The following GPHN variants were observed in gnomAD, a reference collection of about 807,000 sequenced individuals.
GPHN encodes gephyrin.
GPHN carries 17 observed loss-of-function variants against 95.5 expected under a neutral mutation model. That is an observed-to-expected ratio of 0.18 (90% CI 0.12 to 0.27). The LOEUF is 0.27. Ranked by LOEUF, GPHN falls within the 10% of genes least tolerant of loss-of-function variation. The pLI is 1.00. For synonymous variants in GPHN, 320 were observed against 322.5 expected, an observed-to-expected ratio of 0.99 and a Z score of 0.08; for missense variants, 660 against 978.1, an observed-to-expected ratio of 0.67 and a Z score of 4.34.
intron 11 of GPHN, among the ~76,000 whole-genome samples, chr14:67,085,949 G>C (rs146940808): frequency 1.4e-3 from 213 of 152,190 alleles, no homozygotes; most frequent in African/African-American, 4.8e-3. Flanking sequence ...CATGTAAGTG[G>C]AATCATAAAA....
intron 9 of GPHN, among the ~76,000 whole-genome samples, chr14:66,978,719 C>T (rs2070431634): frequency 6.6e-6 from 1 of 152,092 alleles, no homozygotes; most frequent in African/African-American, 2.4e-5. Context: ...TTCTGGGCTC[C>T]CATGAACCAA....
chr14:67,518,716 T>C, the GPHN span, among the ~76,000 whole-genome samples: 1 of 152,236 alleles, frequency 6.6e-6, no homozygotes, highest in African/African-American at 2.4e-5. Context: ...AGTAATTTTC[T>C]TGATGACTTT....
intron 4 of GPHN, among the ~76,000 whole-genome samples, chr14:66,840,051 G>A (rs892204580): frequency 1.1e-4 from 16 of 152,176 alleles, no homozygotes; most frequent in African/African-American, 3.4e-4. Flanking sequence ...GGTCAAGGTG[G>A]GCAGATCACC....
chr14:66,671,010 A>G (rs988880558), intron 1 of GPHN, among the ~76,000 whole-genome samples: 1 of 152,196 alleles, frequency 6.6e-6, no homozygotes, highest in Non-Finnish European at 1.5e-5. Flanking sequence ...TGGTGGAAAT[A>G]ACAGTTTAGA....
chr14:67,274,907 G>C, the GPHN span, among the ~76,000 whole-genome samples: 2 of 151,932 alleles, frequency 1.3e-5, no homozygotes, highest in Admixed American at 1.3e-4. Flanking sequence ...GTTCACTCAT[G>C]ATTTGGCTCT....
the GPHN span, chr14:67,269,732 G>C: frequency 6.6e-6 from 1 of 152,498 alleles, no homozygotes; most frequent in Non-Finnish European, 1.5e-5. Flanking sequence ...GTGAAAAACC[G>C]GAGAAGAGAA....
chr14:66,615,457 G>C (rs2062965327), intron 1 of GPHN, among the ~76,000 whole-genome samples: 1 of 145,992 alleles, frequency 6.8e-6, no homozygotes, highest in African/African-American at 2.6e-5. Context: ...TTTCTCTGAT[G>C]GTCAGTGGTG....
At chr14:66,965,393 T>G in intron 9 of GPHN, 68 bp downstream of exon 9, 3 of 1,374,770 alleles carry the variant, frequency 2.2e-6, no homozygotes, top group Non-Finnish European at 3.1e-6. Context: ...AACCAATATT[T>G]CCTCCTGCTT....
chr14:67,631,430 CTTTCTT>C, the GPHN span, among the ~76,000 whole-genome samples: 5 of 128,490 alleles, frequency 3.9e-5, no homozygotes, highest in Non-Finnish European at 6.2e-5. Flanking sequence ...TCCTTTCTTT[CTTTCTT>C]TTTTTTTTTT....
the GPHN span, chr14:67,569,170 C>G: frequency 6.2e-7 from 1 of 1,613,054 alleles, no homozygotes. Context: ...CCACATCGGG[C>G]ATGCGGCTCT....
the GPHN span, chr14:67,650,083 C>A: frequency 6.6e-6 from 1 of 152,310 alleles, no homozygotes; most frequent in African/African-American, 2.4e-5. Flanking sequence ...GCTGAATTTT[C>A]TCTTGATCAA....
At chr14:67,559,650 G>A in the GPHN span, 6 of 1,606,632 alleles carry the variant, frequency 3.7e-6, no homozygotes, top group African/African-American at 8.0e-5. Flanking sequence ...TCAAGAAAAA[G>A]CTGCAAAGAT....
the GPHN span, among the ~76,000 whole-genome samples, chr14:67,706,518 G>A: frequency 2.0e-5 from 3 of 152,328 alleles, no homozygotes; most frequent in Admixed American, 2.0e-4. Context: ...GTCTGGAAAG[G>A]AGGGACAGCT....
chr14:66,837,620 AATAAAT>A (rs1567000918), intron 4 of GPHN, among the ~76,000 whole-genome samples: 113 of 76,990 alleles, frequency 1.5e-3, no homozygotes, highest in African/African-American at 0.013. Flanking sequence ...AATAAAAATA[AATAAAT>A]AAATAAATAA....
chr14:67,588,131 T>C, the GPHN span: 1 of 152,650 alleles, frequency 6.6e-6, no homozygotes, highest in African/African-American at 2.4e-5. Flanking sequence ...TCAAGCTGTT[T>C]TCCTCACACT....
At chr14:66,846,161 G>T (rs1014318065) in intron 4 of GPHN, among the ~76,000 whole-genome samples, 1 of 152,088 alleles carries the variant, frequency 6.6e-6, no homozygotes, top group East Asian at 1.9e-4. Flanking sequence ...TTTAGGGGGG[G>T]TGATTTTTAT....
At chr14:67,302,960 A>G in the GPHN span, among the ~76,000 whole-genome samples, 1 of 152,198 alleles carries the variant, frequency 6.6e-6, no homozygotes, top group Non-Finnish European at 1.5e-5. Context: ...TTTTCCTAAT[A>G]ATATTAGATA....
At chr14:67,187,806 C>A in the GPHN span, among the ~76,000 whole-genome samples, 2 of 152,166 alleles carry the variant, frequency 1.3e-5, no homozygotes, top group African/African-American at 4.8e-5. Flanking sequence ...GATATTAGCT[C>A]CTCCATGAAA....
intron 2 of GPHN, among the ~76,000 whole-genome samples, chr14:66,728,221 G>A (rs2071428512): frequency 6.6e-6 from 1 of 152,120 alleles, no homozygotes; most frequent in African/African-American, 2.4e-5. Flanking sequence ...ATGCCTGGAT[G>A]TCCAAGCAGA....
Sources: allele counts gnomAD v4.1 joint callset (sites outside exome capture counted in the v4.1 genomes callset), GRCh38; gene constraint gnomAD v4.1.1; transcripts MANE v1.5; gene names NCBI Gene and HGNC (gene_info 2026-07-23, HGNC 2026-07-21).